The following OSBPL6 variants were observed in gnomAD, a reference collection of about 807,000 sequenced individuals.
OSBPL6 encodes the protein oxysterol-binding protein-related protein 6.
A neutral mutation model predicts 125.8 loss-of-function variants in OSBPL6; 49 were observed. The ratio of observed to expected loss-of-function variants is 0.39; its 90% confidence interval spans 0.31 to 0.49. The LOEUF (loss-of-function observed/expected upper bound fraction) is 0.49, where lower values mean the gene tolerates loss of function less well. Among genes scored for constraint, OSBPL6 ranks in the 20% least tolerant of loss-of-function variants. OSBPL6 has a pLI of 0.88. For synonymous variants in OSBPL6, 394 were observed against 391.8 expected, an observed-to-expected ratio of 1.01 and a Z score of -0.07; for missense variants, 986 against 1,135.4, an observed-to-expected ratio of 0.87 and a Z score of 1.89.
chr2:178,322,061 A>G (rs1476504099), intron 3 of OSBPL6, among the ~76,000 whole-genome samples: 1 of 152,218 alleles, frequency 6.6e-6, no homozygotes, highest in Non-Finnish European at 1.5e-5. Flanking sequence ...CCTCGTATCT[A>G]TACAGGAAAA....
Position 178,385,306 on chromosome 2 carries a change from T to TC in OSBPL6, c.2014-148dup, listed in dbSNP as rs1362069358. 5.9e-5 allele frequency: 35 copies of TC among 595,116 alleles called. No individual in the cohort carries two copies. The Middle Eastern group carries it at 9.4e-4, about 16-fold the overall frequency. 36.9% of individuals were successfully genotyped at this position (595,116 alleles called of 1,614,324 possible). On this transcript the variant is annotated intron_variant, in intron 18 of 24. Transcript: ENST00000190611. ...ATTCACTTCACTTATGGGCATTATT[T>TC]CCCCTCTAAATTGTATAAGTTCTCA... is the stretch of plus-strand genomic sequence containing the variant.
chr2:178,285,780 G>A (rs1684642113), intron 2 of OSBPL6, among the ~76,000 whole-genome samples: 1 of 152,162 alleles, frequency 6.6e-6, no homozygotes, highest in Non-Finnish European at 1.5e-5. Context: ...CCATCCCCAG[G>A]GTGGAAGTTT....
At chr2:178,327,155 T>C (rs1404342549) in intron 4 of OSBPL6, among the ~76,000 whole-genome samples, 2 of 151,788 alleles carry the variant, frequency 1.3e-5, no homozygotes, top group Non-Finnish European at 2.9e-5. Context: ...CAAAAACCCA[T>C]TGAAATGAAA....
chr2:178,332,559 T>G (rs1390872245), intron 6 of OSBPL6, 82 bp from the exon 7 acceptor site: 2 of 976,200 alleles, frequency 2.0e-6, no homozygotes, highest in Admixed American at 2.1e-5. Context: ...AAGTTAAAGA[T>G]TACTTTGAGT....
chr2:178,241,898 T>C (rs1249535988), intron 1 of OSBPL6, among the ~76,000 whole-genome samples: 1 of 152,230 alleles, frequency 6.6e-6, no homozygotes, highest in African/African-American at 2.4e-5. Context: ...TTTTTGTGTG[T>C]CTACATATAC....
At chr2:178,370,874 G>A (rs1693318516) in intron 13 of OSBPL6, among the ~76,000 whole-genome samples, 1 of 152,176 alleles carries the variant, frequency 6.6e-6, no homozygotes, top group Non-Finnish European at 1.5e-5. Flanking sequence ...ACTGGGTTGA[G>A]GGAAGGGAAG....
At chr2:178,366,434 A>G (rs1453861254) in intron 13 of OSBPL6, among the ~76,000 whole-genome samples, 3 of 152,222 alleles carry the variant, frequency 2.0e-5, no homozygotes, top group Non-Finnish European at 4.4e-5. Context: ...AATATGACCC[A>G]TCTATTCCAG....
At chr2:178,291,620 C>T (rs559018181) in intron 2 of OSBPL6, among the ~76,000 whole-genome samples, 37 of 152,048 alleles carry the variant, frequency 2.4e-4, no homozygotes, top group South Asian at 1.7e-3. Context: ...ATATCTGACC[C>T]GTGGAGAATG....
At chr2:178,323,249 A>C (rs1370338278) in intron 3 of OSBPL6, among the ~76,000 whole-genome samples, 3 of 152,172 alleles carry the variant, frequency 2.0e-5, no homozygotes, top group Admixed American at 1.3e-4. Flanking sequence ...CTCTTTTTGA[A>C]TACTTCTAAG....
At chr2:178,195,487 T>C (rs188304562) in intron 1 of OSBPL6, among the ~76,000 whole-genome samples, 1 of 152,332 alleles carries the variant, frequency 6.6e-6, no homozygotes, top group Non-Finnish European at 1.5e-5. Context: ...ACAAGCGGAT[T>C]TTCTCCCCAA....
rs190953892 is a variant in OSBPL6 at position 178,225,592 on chromosome 2, G to C, written c.-351+30918G>C. Among the ~76,000 whole-genome samples, 163 of 152,258 alleles carry C rather than the reference G, an allele frequency of 1.1e-3. 2 individuals are homozygous for C. The highest frequency in any genetic ancestry group is 3.8e-3 in the African/African-American group (157 of 41,528). On this transcript the variant is annotated intron_variant, in intron 1 of 24. Coordinates refer to ENST00000190611, the MANE Select transcript of OSBPL6 (RefSeq NM_032523.4). ...TGCATTAGTTTGTTTCCATGCTGCT[G>C]ATAAAGACATACCCGAGACTGGGCA...
At chr2:178,285,163 A>G (rs1684577083) in intron 2 of OSBPL6, 42 bp downstream of exon 2, 1 of 397,828 alleles carries the variant, frequency 2.5e-6, no homozygotes, top group South Asian at 1.3e-4. Flanking sequence ...AAGCAGGGTT[A>G]GGTTAGGCAG....
chr2:178,392,564 T>C, intron 23 of OSBPL6, 26 bp downstream of exon 23: 1 of 1,611,918 alleles, frequency 6.2e-7, no homozygotes, highest in Non-Finnish European at 8.5e-7. Context: ...GTATTTAATA[T>C]GCAGACTATG....
At position 178,361,781 on chromosome 2, in the gene OSBPL6, C is replaced by T. The variant is rs370786289; in HGVS notation, c.1253C>T (p.Thr418Met). ...CAGGATCACAGTAAAGGCCACAGCA[C>T]GCAGATGGCACGGCTCCGACAGTCA... The part of the protein sequence containing the change: ...SEQDHSKGHS[T>M]QMARLRQSLS... The change falls in exon 13 of 25, where the codon ACG (threonine) becomes ATG (methionine). Residue 418 changes from threonine (T) to methionine (M), a missense_variant. Transcript: ENST00000190611. 244 of 1,613,994 alleles carry T rather than the reference C, an allele frequency of 1.5e-4. No individual in the cohort carries two copies. Among genetic ancestry groups the T allele is most frequent in the Admixed American group, 2.3e-4 (14 of 60,000 alleles).
intron 1 of OSBPL6, among the ~76,000 whole-genome samples, chr2:178,258,893 A>C (rs2091970177): frequency 6.6e-6 from 1 of 151,850 alleles, no homozygotes; most frequent in Non-Finnish European, 1.5e-5. Flanking sequence ...GGTTTTTTTT[A>C]ATCAGGAATA....
intron 1 of OSBPL6, among the ~76,000 whole-genome samples, chr2:178,274,262 A>C (rs1321421580): frequency 6.6e-6 from 1 of 151,988 alleles, no homozygotes; most frequent in Non-Finnish European, 1.5e-5. Flanking sequence ...TCTCTGGCTA[A>C]CTAACTCAGT....
intron 1 of OSBPL6, among the ~76,000 whole-genome samples, chr2:178,276,706 C>T (rs1487997299): frequency 6.6e-6 from 1 of 151,860 alleles, no homozygotes; most frequent in African/African-American, 2.4e-5. Context: ...CCCTGAACTT[C>T]TCTTTGTCTC....
chr2:178,294,251 A>T (rs1427233975), intron 2 of OSBPL6, among the ~76,000 whole-genome samples: 3 of 152,140 alleles, frequency 2.0e-5, no homozygotes, highest in Non-Finnish European at 4.4e-5. Flanking sequence ...CCATATAATT[A>T]TGGGTTATAC....
At chr2:178,363,457 GAGCAGGAAAC>G (rs1483953192) in intron 13 of OSBPL6, among the ~76,000 whole-genome samples, 4 of 152,156 alleles carry the variant, frequency 2.6e-5, no homozygotes, top group African/African-American at 9.7e-5. Context: ...TTCATGAGAT[GAGCAGGAAAC>G]AGTGAAATGG....
Sources: allele counts gnomAD v4.1 joint callset (sites outside exome capture counted in the v4.1 genomes callset), GRCh38; gene constraint gnomAD v4.1.1; transcripts MANE v1.5; gene names NCBI Gene and HGNC (gene_info 2026-07-23, HGNC 2026-07-21).